Variants in KCNH7 observed in about 807,000 individuals in gnomAD.
KCNH7 encodes the protein voltage-gated inwardly rectifying potassium channel KCNH7.
Under a neutral mutation model 120.8 loss-of-function variants are expected in KCNH7, and 49 were observed. The observed-to-expected ratio is 0.41, with a 90% CI of 0.32 to 0.51. The LOEUF (loss-of-function observed/expected upper bound fraction) is 0.51, where lower values mean the gene tolerates loss of function less well. Among genes scored for constraint, KCNH7 ranks in the 20% least tolerant of loss-of-function variants. The pLI, the probability that KCNH7 is intolerant of heterozygous loss-of-function variation, is 0.38. For missense variants in KCNH7, 1,097 were observed against 1,446.6 expected, an observed-to-expected ratio of 0.76 and a Z score of 3.92; for synonymous variants, 547 against 516.1, an observed-to-expected ratio of 1.06 and a Z score of -0.81.
intron 6 of KCNH7, among the ~76,000 whole-genome samples, chr2:162,454,025 T>C (rs1336511306): frequency 6.6e-6 from 1 of 152,178 alleles, no homozygotes; most frequent in Non-Finnish European, 1.5e-5. Flanking sequence ...ATGAAGTCTT[T>C]GCCCAAGCCT....
intron 6 of KCNH7, among the ~76,000 whole-genome samples, chr2:162,472,879 C>CA (rs1379438422): frequency 1.3e-5 from 2 of 152,006 alleles, no homozygotes; most frequent in Non-Finnish European, 2.9e-5. Flanking sequence ...GAAAATGTGG[C>CA]ATATAAACAC....
chr2:162,633,247 ATTTTCC>A (rs1683831056), intron 2 of KCNH7, among the ~76,000 whole-genome samples: 1 of 151,820 alleles, frequency 6.6e-6, no homozygotes, highest in Non-Finnish European at 1.5e-5. Context: ...ATTATTTCAA[ATTTTCC>A]TTTTAAAGAT....
chr2:162,806,323 G>A (rs1311558216), intron 2 of KCNH7, among the ~76,000 whole-genome samples: 2 of 152,098 alleles, frequency 1.3e-5, no homozygotes, highest in South Asian at 2.1e-4. Context: ...CTCTCCATAC[G>A]TCACCTTCAA....
chr2:162,376,361 G>A (rs1686178995), intron 14 of KCNH7, among the ~76,000 whole-genome samples: 1 of 147,420 alleles, frequency 6.8e-6, no homozygotes, highest in Non-Finnish European at 1.5e-5. Flanking sequence ...TACTCAAAGT[G>A]TGGTTTGTTT....
rs548621910 is a variant in KCNH7, at chr2:162,415,660, T to C, written c.2154+7676A>G. 3.7e-3 allele frequency among the ~76,000 whole-genome samples: 570 copies of C among 152,292 alleles called. 4 individuals carry two copies. Among genetic ancestry groups the C allele is most frequent in the African/African-American group, 0.013 (552 of 41,570 alleles). ...TTGCCAATATAAAACCATAAACTTA[T>C]GACAACCAATCATTAATGTTTAATA... On this transcript the variant is annotated intron_variant, in intron 9 of 15. Transcript: ENST00000332142.
intron 2 of KCNH7, among the ~76,000 whole-genome samples, chr2:162,735,977 T>A (rs965532508): frequency 8.5e-5 from 13 of 152,204 alleles, no homozygotes; most frequent in Non-Finnish European, 1.6e-4. Context: ...AGTACTTGTA[T>A]GGGCCAATGA....
At chr2:162,832,133 T>G (rs2105619451) in intron 2 of KCNH7, among the ~76,000 whole-genome samples, 1 of 152,238 alleles carries the variant, frequency 6.6e-6, no homozygotes, top group East Asian at 1.9e-4. Flanking sequence ...TTGAATAGAA[T>G]GTAAAAATGT....
chr2:162,494,641 A>G (rs1429088758), intron 6 of KCNH7, among the ~76,000 whole-genome samples: 2 of 152,146 alleles, frequency 1.3e-5, no homozygotes, highest in African/African-American at 4.8e-5. Flanking sequence ...TTCTTTGTCA[A>G]TCATGTTTTT....
intron 2 of KCNH7, among the ~76,000 whole-genome samples, chr2:162,749,312 G>A (rs1381891090): frequency 6.6e-6 from 1 of 151,584 alleles, no homozygotes; most frequent in Non-Finnish European, 1.5e-5. Flanking sequence ...ATGGAAATGG[G>A]ATACAAAGCA....
At chr2:162,774,459 G>A (rs1196933297) in intron 2 of KCNH7, among the ~76,000 whole-genome samples, 2 of 152,090 alleles carry the variant, frequency 1.3e-5, no homozygotes, top group African/African-American at 4.8e-5. Context: ...TTATCAGAAT[G>A]GTAGTATTTG....
intron 2 of KCNH7, among the ~76,000 whole-genome samples, chr2:162,686,815 G>C (rs1187422993): frequency 6.6e-6 from 1 of 152,104 alleles, no homozygotes; most frequent in Non-Finnish European, 1.5e-5. Flanking sequence ...AGGGTCATCA[G>C]TCTGCCAGGC....
At chr2:162,578,273 T>C (rs1338522975) in intron 2 of KCNH7, among the ~76,000 whole-genome samples, 1 of 152,084 alleles carries the variant, frequency 6.6e-6, no homozygotes, top group East Asian at 1.9e-4. Context: ...TTCATATCTA[T>C]TGAACCAGGC....
intron 2 of KCNH7, among the ~76,000 whole-genome samples, chr2:162,665,996 A>T (rs1346915458): frequency 6.6e-6 from 1 of 152,090 alleles, no homozygotes; most frequent in Non-Finnish European, 1.5e-5. Flanking sequence ...ATAGAGAAAA[A>T]CTTTTTTTCA....
chr2:162,373,404 C>T, intron 15 of KCNH7, 66 bp downstream of exon 15: 1 of 1,153,934 alleles, frequency 8.7e-7, no homozygotes, highest in East Asian at 2.8e-5. Context: ...CCAAGTGATT[C>T]TGATTAGGTG....
chr2:162,811,167 G>C (rs1232105876), intron 2 of KCNH7, among the ~76,000 whole-genome samples: 2 of 152,082 alleles, frequency 1.3e-5, no homozygotes, highest in Admixed American at 1.3e-4. Context: ...ACTATGAAGT[G>C]AGATAGGAAC....
intron 3 of KCNH7, 41 bp from the exon 4 acceptor site, chr2:162,518,199 T>C: frequency 7.1e-7 from 1 of 1,402,920 alleles, no homozygotes; most frequent in Non-Finnish European, 9.8e-7. Context: ...ATAAGGCAAA[T>C]GATATATCCT....
intron 2 of KCNH7, among the ~76,000 whole-genome samples, chr2:162,741,411 T>C (rs1280805488): frequency 6.6e-6 from 1 of 151,462 alleles, no homozygotes; most frequent in African/African-American, 2.4e-5. Flanking sequence ...AGCAAAAGCA[T>C]TTTGTAATAG....
At chr2:162,541,844 T>C (rs1692314663) in intron 2 of KCNH7, among the ~76,000 whole-genome samples, 1 of 151,996 alleles carries the variant, frequency 6.6e-6, no homozygotes, top group South Asian at 2.1e-4. Context: ...CCCCTGAACT[T>C]AAAATAAAAA....
chr2:162,382,767 A>T (rs1686457895), intron 13 of KCNH7, among the ~76,000 whole-genome samples: 1 of 151,990 alleles, frequency 6.6e-6, no homozygotes, highest in South Asian at 2.1e-4. Context: ...AATGCAATAT[A>T]TCATCTTAAA....
Sources: allele counts gnomAD v4.1 joint callset (sites outside exome capture counted in the v4.1 genomes callset), GRCh38; gene constraint gnomAD v4.1.1; transcripts MANE v1.5; gene names NCBI Gene and HGNC (gene_info 2026-07-23, HGNC 2026-07-21).